The following SWI5 variants were observed in gnomAD, a reference collection of about 807,000 sequenced individuals.
The protein encoded by SWI5 is SWI5 homologous recombination repair protein.
Under a neutral mutation model 17.0 loss-of-function variants are expected in SWI5, and 12 were observed. The observed-to-expected ratio is 0.71, with a 90% CI of 0.45 to 1.14. The LOEUF is 1.14. SWI5 is among the 50% of genes most tolerant of loss of function. SWI5 has a pLI of 0.00. For missense variants in SWI5, 158 were observed against 162.2 expected (o/e 0.97, Z 0.14); for synonymous variants, 61 against 64.0 (o/e 0.95, Z 0.22).
intron 2 of SWI5, among the ~76,000 whole-genome samples, chr9:128,282,990 C>T (rs546578232): frequency 9.2e-5 from 14 of 152,302 alleles, no homozygotes; most frequent in African/African-American, 3.4e-4. Context: ...CCAGCCTGGC[C>T]AACATGGCAA....
intron 2 of SWI5, among the ~76,000 whole-genome samples, chr9:128,282,323 G>A (rs764662855): frequency 7.9e-5 from 12 of 152,176 alleles, no homozygotes; most frequent in Middle Eastern, 3.4e-3. Context: ...GGAGGCGGAG[G>A]TTGCAGTGAG....
upstream of SWI5, chr9:128,276,065 T>G: frequency 6.3e-7 from 1 of 1,578,344 alleles, no homozygotes; most frequent in Non-Finnish European, 8.6e-7. Flanking sequence ...AGGGCGATAC[T>G]GGAGCGCAGA....
At chr9:128,276,186 A>G (rs1831356067), upstream of SWI5, 6 of 1,591,798 alleles carry the variant, frequency 3.8e-6, no homozygotes, top group South Asian at 1.1e-5. Context: ...CGTCACAACA[A>G]AAGCTGCGCA....
At chr9:128,281,404 TCC>T (rs1191877461) in intron 2 of SWI5, among the ~76,000 whole-genome samples, 2 of 152,134 alleles carry the variant, frequency 1.3e-5, no homozygotes, top group Non-Finnish European at 1.5e-5. Flanking sequence ...AACTCTTTTG[TCC>T]CCTCTGTCTG....
In SWI5 at chr9:128,285,190, G is replaced by T. The variant is rs1302645774; in HGVS notation, c.233+559G>T. Among the ~76,000 whole-genome samples the T allele has an allele frequency of 2.0e-5, 3 of 150,034 alleles. No homozygotes were observed. Among genetic ancestry groups the T allele is most frequent in the Non-Finnish European group, 4.4e-5 (3 of 67,638 alleles). On this transcript the variant is annotated intron_variant, in intron 3 of 4. Transcript: ENST00000418976. The surrounding 1 kb of genome is among the most constrained non-coding windows in gnomAD (Gnocchi z 4.8). ...AGAAAGAGAAAGAGGGCGAGAGGGAGAGAGAGAGGAGAGGAAAGAAAAAGG... is the reference window on the plus strand; with the variant it reads ...AGAAAGAGAAAGAGGGCGAGAGGGATAGAGAGAGGAGAGGAAAGAAAAAGG...
At chr9:128,278,888 T>C (rs1276974862) in intron 2 of SWI5, among the ~76,000 whole-genome samples, 1 of 152,016 alleles carries the variant, frequency 6.6e-6, no homozygotes, top group African/African-American at 2.4e-5. Flanking sequence ...TTCTCCAGCC[T>C]CAGCCTCCCT....
chr9:128,286,234 A>C, intron 4 of SWI5: 1 of 538,688 alleles, frequency 1.9e-6, no homozygotes, highest in Non-Finnish European at 3.3e-6. Flanking sequence ...CAAGTACAGA[A>C]CCTGCTTTGG....
upstream of SWI5, chr9:128,275,821 ACT>A (rs540323943): frequency 9.9e-4 from 790 of 795,338 alleles, 3 homozygotes; most frequent in African/African-American, 0.013. Context: ...AGTGGCAGAG[ACT>A]CTGGCCATGG....
upstream of SWI5, chr9:128,275,522 G>A (rs953766859): frequency 2.8e-5 from 36 of 1,302,188 alleles, no homozygotes; most frequent in Admixed American, 3.9e-5. Flanking sequence ...GGAGCGGGGG[G>A]CCCCGGGAGT....
intron 2 of SWI5, among the ~76,000 whole-genome samples, chr9:128,282,736 G>A (rs963905844): frequency 2.0e-5 from 3 of 152,190 alleles, no homozygotes; most frequent in Non-Finnish European, 2.9e-5. Context: ...CGTCTTCCTC[G>A]GTCCCTTCTT....
intron 1 of SWI5, 74 bp from the exon 2 acceptor site, chr9:128,276,633 C>T: frequency 6.2e-7 from 1 of 1,613,186 alleles, no homozygotes; most frequent in Non-Finnish European, 8.5e-7. Flanking sequence ...CTCCTCCTCC[C>T]GCATCCCCAC....
At chr9:128,282,554 G>A (rs573771910) in intron 2 of SWI5, among the ~76,000 whole-genome samples, 23 of 152,258 alleles carry the variant, frequency 1.5e-4, no homozygotes, top group African/African-American at 4.6e-4. Flanking sequence ...GAACTTCATC[G>A]TTGGGCGCTT....
Position 128,286,331 on chromosome 9 carries a change from G to A in SWI5, c.328+298G>A, listed in dbSNP as rs930311223. The A allele has an allele frequency of 2.0e-4, 69 of 347,786 alleles. 2 individuals are homozygous for A. Among genetic ancestry groups the A allele is most frequent in the South Asian group, 1.1e-4 (2 of 18,484 alleles). The allele number at this position is 347,786 out of a possible 1,614,324, so 21.5% of individuals were successfully genotyped here. A position where few individuals can be genotyped will look rare whatever the true frequency, so the allele number is the denominator to read the frequency against. On this transcript the variant is annotated intron_variant, in intron 4 of 4. Transcript: ENST00000418976. ...CAGTCTTCTGGGACCTACTCAGAGT[G>A]ATCAAGATACCGTCCATGCCTCAAG...
intron 4 of SWI5, 80 bp from the exon 5 acceptor site, chr9:128,288,572 G>A: frequency 6.6e-7 from 1 of 1,520,854 alleles, no homozygotes; most frequent in Non-Finnish European, 9.1e-7. Context: ...GGTCAGGGCA[G>A]TGACACTGGC....
At chr9:128,284,288 CAA>C (rs78361264) in intron 2 of SWI5, among the ~76,000 whole-genome samples, 125 of 79,262 alleles carry the variant, frequency 1.6e-3, no homozygotes, top group Middle Eastern at 7.1e-3. Context: ...GACTCCGTCT[CAA>C]AAAAAAAAAA....
At chr9:128,280,605 C>T (rs889193327) in intron 2 of SWI5, among the ~76,000 whole-genome samples, 1 of 151,972 alleles carries the variant, frequency 6.6e-6, no homozygotes, top group East Asian at 1.9e-4. Flanking sequence ...GCAACCGCTG[C>T]CTCCAGGGTT....
intron 1 of SWI5, 46 bp from the exon 2 acceptor site, chr9:128,276,661 G>A: frequency 6.2e-7 from 1 of 1,613,954 alleles, no homozygotes; most frequent in African/African-American, 1.3e-5. Flanking sequence ...CGTCCTCACA[G>A]CGGGCTGTGG....
upstream of SWI5, chr9:128,275,414 G>A: frequency 7.7e-7 from 1 of 1,293,118 alleles, no homozygotes; most frequent in Non-Finnish European, 9.8e-7. Flanking sequence ...CGCGATGGGG[G>A]AGGGGACCGC....
chr9:128,281,281 C>T (rs1729292543), intron 2 of SWI5, among the ~76,000 whole-genome samples: 1 of 151,986 alleles, frequency 6.6e-6, no homozygotes, highest in Admixed American at 6.5e-5. Flanking sequence ...CGTTATCTGC[C>T]TGCCTTGGCC....
Sources: gnomAD v4.1 joint callset for allele counts (sites outside exome capture counted in the v4.1 genomes callset) on GRCh38, gnomAD v4.1.1 for gene constraint, Gnocchi (gnomAD v3.1) non-coding constraint, MANE v1.5 for transcripts, NCBI Gene and HGNC (gene_info 2026-07-23, HGNC 2026-07-21) for gene names.